Variants in ATP5F1B observed in about 807,000 individuals in gnomAD.
ATP5F1B encodes ATP synthase F(1) complex subunit beta, mitochondrial.
In ATP5F1B, 17 loss-of-function variants were observed where a neutral mutation model predicts 45.9. That is an observed-to-expected ratio of 0.37 (90% CI 0.25 to 0.56). ATP5F1B has a LOEUF of 0.56. Ranked by LOEUF, ATP5F1B falls within the 20% of genes least tolerant of loss-of-function variation. ATP5F1B has a pLI of 0.80. For missense variants in ATP5F1B, 387 were observed against 673.2 expected, an observed-to-expected ratio of 0.57 and a Z score of 4.70; for synonymous variants, 218 against 256.5, an observed-to-expected ratio of 0.85 and a Z score of 1.43.
In ATP5F1B at chr12:56,643,883, G is replaced by A; in HGVS notation, c.561C>T (p.Ile187=). ...AGGGAGCTAGCAGATCGACAACCTT[G>A]ATACCAGTCACCAGAATTTCCTGCT... is the stretch of plus-strand genomic sequence containing the variant. ...SVEQEILVTG[I]KVVDLLAPYA... is the part of the protein sequence containing the mutation. The change falls in exon 4 of 10, where the codon ATC becomes ATT. Residue 187 remains isoleucine (I), a synonymous_variant. Transcript: ENST00000262030. 6.2e-7 allele frequency: 1 copy of A among 1,614,156 alleles called. No individual in the cohort carries two copies. Among genetic ancestry groups the A allele is most frequent in the Non-Finnish European group, 8.5e-7 (1 of 1,180,018 alleles).
chr12:56,640,318 T>C, intron 7 of ATP5F1B, 126 bp from the exon 8 acceptor site: 1 of 759,696 alleles, frequency 1.3e-6, no homozygotes, highest in Non-Finnish European at 2.1e-6. Flanking sequence ...AACCTCTGCC[T>C]CCTGGATTCA....
At position 56,639,088 on chromosome 12, in the gene ATP5F1B, T is replaced by C. The variant is rs1951493257; in HGVS notation, c.1489+18A>G. ...CCACAGCACAGTAAACATTCAAGAT[T>C]TGTACTCAAAATCTCACCTGCCAAA... On this transcript the variant is annotated intron_variant, in intron 9 of 9. Transcript: ENST00000262030. 1.2e-6 allele frequency: 2 copies of C among 1,612,198 alleles called. No homozygotes were observed. The highest frequency in any genetic ancestry group is 2.2e-5 in the East Asian group (1 of 44,874).
At chr12:56,639,516 G>A in intron 8 of ATP5F1B, 1 of 563,212 alleles carries the variant, frequency 1.8e-6, no homozygotes, top group Non-Finnish European at 3.2e-6. Flanking sequence ...GCTCACGTCT[G>A]TAATCCCACC....
At chr12:56,644,584 A>G (rs1381577560) in intron 3 of ATP5F1B, among the ~76,000 whole-genome samples, 197 bp downstream of exon 3, 1 of 152,110 alleles carries the variant, frequency 6.6e-6, no homozygotes, top group Non-Finnish European at 1.5e-5. Flanking sequence ...CTCTCAAAAA[A>G]AAAAACCTCA....
At position 56,639,973 on chromosome 12, in the gene ATP5F1B, T is replaced by A; in HGVS notation, c.1287+7A>T. 6.2e-7 allele frequency: 1 copy of A among 1,613,776 alleles called. No homozygotes were observed. Among genetic ancestry groups the A allele is most frequent in the Non-Finnish European group, 8.5e-7 (1 of 1,179,834 alleles). On this transcript the variant is annotated splice_region_variant and intron_variant, in intron 8 of 9. Transcript: ENST00000262030. ...CGGACACTGATCCCACATAGTAATATACTCACCTGCAGGATCTTTTGCACC... is the reference window on the plus strand; with the variant it reads ...CGGACACTGATCCCACATAGTAATAAACTCACCTGCAGGATCTTTTGCACC...
chr12:56,643,821 C>T lies in ATP5F1B; in HGVS notation c.607+16G>A. The T allele has an allele frequency of 6.2e-7, 1 of 1,613,992 alleles. No individual in the cohort carries two copies. The highest frequency in any genetic ancestry group is 8.5e-7 in the Non-Finnish European group (1 of 1,179,984). On this transcript the variant is annotated intron_variant, in intron 4 of 9. Transcript: ENST00000262030. ...CCATATTAGGTTTGGAAAATATGTA[C>T]CCCTTAATAACATACCAATTTTGCC...
At chr12:56,644,516 C>A (rs190250319) in intron 3 of ATP5F1B, among the ~76,000 whole-genome samples, 1 of 151,976 alleles carries the variant, frequency 6.6e-6, no homozygotes, top group Admixed American at 6.6e-5. Flanking sequence ...GAGGCTGAGA[C>A]AGGAGAATCA....
Position 56,645,857 on chromosome 12 carries a change from G to C in ATP5F1B, c.107C>G (p.Ala36Gly). Residue 36 changes from alanine to glycine, a missense_variant, in exon 1 of 10, where the codon GCT becomes GGT. Transcript: ENST00000262030. ...CTTACCAGGATGGACCGCCGTCGGA[G>C]CGGCCCGCAGTAAGAGCTGAGCTGG... ...LPPAQLLLRA[A>G]PTAVHPVRDY... 3.7e-6 allele frequency: 6 copies of C among 1,609,240 alleles called. No individual in the cohort carries two copies. The highest frequency in any genetic ancestry group is 5.1e-6 in the Non-Finnish European group (6 of 1,178,054).
At chr12:56,639,046 C>T (rs1206568397) in intron 9 of ATP5F1B, 60 bp downstream of exon 9, 14 of 1,499,508 alleles carry the variant, frequency 9.3e-6, no homozygotes, top group Admixed American at 3.4e-5. Flanking sequence ...TATTGCTTGA[C>T]GGTTGTTGGA....
In ATP5F1B at chr12:56,638,297, G is replaced by A. The variant is rs1399223045; in HGVS notation, c.*26C>T. 3.8e-6 allele frequency: 6 copies of A among 1,592,986 alleles called. No homozygotes were observed. The highest frequency in any genetic ancestry group is 5.2e-6 in the Non-Finnish European group (6 of 1,162,254). The stretch of plus-strand genomic sequence containing the variant: ...GCTTTTTGGGTTAGGGGCAAGGAGA[G>A]AGACAGTACAGAGGACAAAGACCCC... On this transcript the variant is annotated 3_prime_UTR_variant, in exon 10 of 10. Coordinates refer to ENST00000262030, the MANE Select transcript of ATP5F1B (RefSeq NM_001686.4).
chr12:56,639,061 GACC>G, intron 9 of ATP5F1B, 42 bp downstream of exon 9: 1 of 1,574,124 alleles, frequency 6.4e-7, no homozygotes, highest in South Asian at 1.1e-5. Flanking sequence ...GTTGGAATGG[GACC>G]ACAGCACAGT....
In ATP5F1B at chr12:56,642,107, C is replaced by G. The variant is rs571332867; in HGVS notation, c.1074+351G>C. 2.0e-5 allele frequency among the ~76,000 whole-genome samples: 3 copies of G among 152,124 alleles called. No individual in the cohort carries two copies. The East Asian group carries it at 5.8e-4, about 29-fold the overall frequency. Reference sequence around the variant, plus strand: ...TGCCTCCCGGATTCAAGCGATTCTCCTGCCTCAGCCTCTGAGTAGTTGGGA... The same window carrying G: ...TGCCTCCCGGATTCAAGCGATTCTCGTGCCTCAGCCTCTGAGTAGTTGGGA... On this transcript the variant is annotated intron_variant, in intron 7 of 9. Transcript: ENST00000262030.
chr12:56,640,670 T>C (rs755498272), intron 7 of ATP5F1B, among the ~76,000 whole-genome samples: 1 of 152,222 alleles, frequency 6.6e-6, no homozygotes, highest in East Asian at 1.9e-4. Context: ...CTCTCAGCCA[T>C]GATGGAAGAA....
In ATP5F1B at chr12:56,642,660, C is replaced by A; in HGVS notation, c.951+13G>T. 6.2e-7 allele frequency: 1 copy of A among 1,614,118 alleles called. No individual in the cohort carries two copies. Among genetic ancestry groups the A allele is most frequent in the Non-Finnish European group, 8.5e-7 (1 of 1,179,980 alleles). The stretch of plus-strand genomic sequence containing the variant: ...GCCAGATGAACCAGGTCCTCTCAAG[C>A]CTTCCCTCTTACCTCTGAACCAGCC... On this transcript the variant is annotated intron_variant, in intron 6 of 9. Coordinates refer to ENST00000262030, the MANE Select transcript of ATP5F1B (RefSeq NM_001686.4).
chr12:56,642,336 T>C, intron 7 of ATP5F1B, 122 bp downstream of exon 7: 3 of 1,392,504 alleles, frequency 2.2e-6, no homozygotes, highest in Non-Finnish European at 2.9e-6. Flanking sequence ...TACAGCTTTG[T>C]TCCCCAGGCT....
chr12:56,645,734 C>G, intron 1 of ATP5F1B, 103 bp downstream of exon 1: 1 of 1,545,078 alleles, frequency 6.5e-7, no homozygotes, highest in East Asian at 2.4e-5. Context: ...TCCAGGCATC[C>G]TTTTAACACC....
intron 2 of ATP5F1B, 76 bp downstream of exon 2, chr12:56,645,095 T>C (rs758300020): frequency 2.5e-6 from 4 of 1,607,450 alleles, no homozygotes; most frequent in Non-Finnish European, 3.4e-6. Context: ...AAAATCATCA[T>C]AGAAGGCAGA....
intron 9 of ATP5F1B, 25 bp downstream of exon 9, chr12:56,639,081 T>C (rs1179091431): frequency 6.2e-7 from 1 of 1,607,476 alleles, no homozygotes; most frequent in South Asian, 1.1e-5. Context: ...CAGTAAACAT[T>C]CAAGATTTGT....
chr12:56,640,857 CG>C (rs1247603773), intron 7 of ATP5F1B, among the ~76,000 whole-genome samples: 1 of 127,686 alleles, frequency 7.8e-6, no homozygotes, highest in Non-Finnish European at 1.6e-5. Flanking sequence ...CCAGTAGAGA[CG>C]GGGGTCTCTA....
Sources: gnomAD v4.1 joint callset for allele counts (sites outside exome capture counted in the v4.1 genomes callset) on GRCh38, gnomAD v4.1.1 for gene constraint, MANE v1.5 for transcripts, NCBI Gene and HGNC (gene_info 2026-07-23, HGNC 2026-07-21) for gene names.